RYR3: variants seen among roughly 807,000 people sequenced by gnomAD.
RYR3 encodes brain ryanodine receptor-calcium release channel.
In RYR3, 207 loss-of-function variants were observed where a neutral mutation model predicts 584.3. The observed-to-expected ratio is 0.35, with a 90% CI of 0.32 to 0.40. RYR3 has a LOEUF of 0.40. Among genes scored for constraint, RYR3 ranks in the 10% least tolerant of loss-of-function variants. The pLI is 1.00. For synonymous variants in RYR3, 2,416 were observed against 2,248.5 expected (o/e 1.07, Z -2.11); for missense variants, 5,616 against 6,089.2 (o/e 0.92, Z 2.59).
Position 33,412,421 on chromosome 15 carries a change from G to GGA in RYR3, c.52-60990_52-60989dup, listed in dbSNP as rs139473992. On this transcript the variant is annotated intron_variant, in intron 1 of 103. Coordinates refer to ENST00000634891, the MANE Select transcript of RYR3 (RefSeq NM_001036.6). The surrounding 1 kb of genome is among the most constrained non-coding windows in gnomAD (Gnocchi z 4.3). ...AACCCTGGCTCTATTTAAGGCTTCTGGAGAGAGAGCAGGTGGTGATATGTG... is the reference window on the plus strand; with the variant it reads ...AACCCTGGCTCTATTTAAGGCTTCTGGAGAGAGAGAGCAGGTGGTGATATGTG... 7.1e-4 allele frequency among the ~76,000 whole-genome samples: 108 copies of GGA among 152,242 alleles called. 1 individual carries two copies. In the East Asian group the frequency reaches 9.5e-3, roughly 13 times the overall value.
rs189409991 is a variant in RYR3 at position 33,635,786 on chromosome 15, C to T, written c.3348C>T (p.Ala1116=). The change falls in exon 26 of 104, where the codon GCC becomes GCT. Residue 1116 remains alanine (A), a synonymous_variant. Coordinates refer to ENST00000634891, the MANE Select transcript of RYR3 (RefSeq NM_001036.6). ...GTCGACCTGATGTCGAGCTGGGGGC[C>T]GATGACCAAGCCTTTGTGTTTGAAG... ...PGCRPDVELG[A]DDQAFVFEGN... 176 of 1,613,356 alleles carry T rather than the reference C, an allele frequency of 1.1e-4. 1 individual carries two copies. In the African/African-American group the frequency reaches 2.0e-3, roughly 19 times the overall value.
intron 36 of RYR3, among the ~76,000 whole-genome samples, chr15:33,667,062 C>A (rs1427391524): frequency 1.3e-5 from 2 of 152,094 alleles, no homozygotes; most frequent in Non-Finnish European, 2.9e-5. Context: ...GTGACCCAAC[C>A]TGTTCTGTGG....
At chr15:33,671,448 A>G in intron 38 of RYR3, among the ~76,000 whole-genome samples, 2 of 152,232 alleles carry the variant, frequency 1.3e-5, no homozygotes, top group Non-Finnish European at 2.9e-5. Context: ...TTTGGGGTTC[A>G]TACATCTTAC....
chr15:33,784,524 A>C (rs1323829947), intron 65 of RYR3, among the ~76,000 whole-genome samples: 1 of 152,244 alleles, frequency 6.6e-6, no homozygotes, highest in Non-Finnish European at 1.5e-5. Flanking sequence ...CAAATCTTCC[A>C]GTGAACTGAT....
intron 3 of RYR3, 63 bp from the exon 4 acceptor site, chr15:33,530,529 T>C (rs1055837980): frequency 1.7e-5 from 19 of 1,115,266 alleles, no homozygotes; most frequent in Non-Finnish European, 2.6e-5. Context: ...ATTATTGTGT[T>C]GCTTGGCTCC....
intron 27 of RYR3, among the ~76,000 whole-genome samples, chr15:33,637,990 C>G (rs892411861): frequency 6.6e-6 from 1 of 151,996 alleles, no homozygotes; most frequent in East Asian, 1.9e-4. Context: ...GTGTGATGTT[C>G]CCCTTCCTGT....
intron 1 of RYR3, among the ~76,000 whole-genome samples, chr15:33,441,947 G>A (rs1206324018): frequency 6.6e-6 from 1 of 152,114 alleles, no homozygotes; most frequent in Non-Finnish European, 1.5e-5. Flanking sequence ...ACATATCATT[G>A]GAATGTCATT....
intron 67 of RYR3, among the ~76,000 whole-genome samples, chr15:33,800,454 A>G (rs894647020): frequency 5.3e-5 from 8 of 152,240 alleles, no homozygotes; most frequent in African/African-American, 1.9e-4. Context: ...TAATCAGTTT[A>G]AAGAAAAAAC....
At chr15:33,649,654 C>T (rs2062344014) in intron 31 of RYR3, among the ~76,000 whole-genome samples, 1 of 152,208 alleles carries the variant, frequency 6.6e-6, no homozygotes, top group Non-Finnish European at 1.5e-5. Flanking sequence ...AACTCCTCCT[C>T]CCAAGAGTTT....
At chr15:33,663,315 A>G (rs1380189377) in intron 35 of RYR3, among the ~76,000 whole-genome samples, 3 of 152,190 alleles carry the variant, frequency 2.0e-5, no homozygotes, top group Non-Finnish European at 4.4e-5. Context: ...CTATTTTCTT[A>G]GAAATATTTT....
intron 1 of RYR3, among the ~76,000 whole-genome samples, chr15:33,387,034 T>C (rs1054321824): frequency 1.3e-5 from 2 of 151,966 alleles, no homozygotes; most frequent in Non-Finnish European, 2.9e-5. Context: ...ATTTTTTGTA[T>C]TTTTAGTAGA....
At chr15:33,504,373 G>A (rs1441650848) in intron 3 of RYR3, among the ~76,000 whole-genome samples, 1 of 151,982 alleles carries the variant, frequency 6.6e-6, no homozygotes, top group Non-Finnish European at 1.5e-5. Context: ...TTTCCTAATG[G>A]CTCACATTCA....
intron 4 of RYR3, 149 bp downstream of exon 4, chr15:33,530,815 A>C (rs1350266339): frequency 2.3e-5 from 15 of 648,138 alleles, no homozygotes; most frequent in Non-Finnish European, 4.1e-5. Context: ...CATTTCCTAC[A>C]TATGACCTAC....
chr15:33,734,139 G>A (rs116395862), intron 48 of RYR3, among the ~76,000 whole-genome samples: 5,621 of 152,080 alleles, frequency 0.037, 371 homozygotes, highest in African/African-American at 0.13. Flanking sequence ...AGGAGGCCTC[G>A]ACCCAGGCCC....
intron 1 of RYR3, among the ~76,000 whole-genome samples, chr15:33,408,342 T>C (rs1191295966): frequency 2.0e-5 from 3 of 152,334 alleles, no homozygotes; most frequent in African/African-American, 4.8e-5. Flanking sequence ...GTTTTGTTCT[T>C]TATCATGGTT....
rs1380228633 is a variant in RYR3 at position 33,715,301 on chromosome 15, C to T, written c.6620-7414C>T. On this transcript the variant is annotated intron_variant, in intron 43 of 103. Transcript: ENST00000634891. ...GGTACTAGACTAGGCATGGTTAGGA[C>T]TAAATGTGTGACACATAGTTTTGTT... is the stretch of plus-strand genomic sequence containing the variant. 4.6e-5 allele frequency among the ~76,000 whole-genome samples: 7 copies of T among 152,268 alleles called. No homozygotes were observed. The East Asian group carries it at 1.2e-3, about 25-fold the overall frequency.
intron 33 of RYR3, 101 bp from the exon 34 acceptor site, chr15:33,660,096 T>C (rs1450677591): frequency 1.3e-6 from 1 of 759,816 alleles, no homozygotes; most frequent in Non-Finnish European, 2.2e-6. Context: ...TGGATACATT[T>C]GTCCCTCTTT....
intron 12 of RYR3, among the ~76,000 whole-genome samples, chr15:33,578,155 G>T (rs1208067760): frequency 6.6e-6 from 1 of 152,084 alleles, no homozygotes; most frequent in Non-Finnish European, 1.5e-5. Flanking sequence ...TTAAACTATC[G>T]GTAGGAATGT....
intron 1 of RYR3, among the ~76,000 whole-genome samples, chr15:33,408,598 T>A (rs2043179771): frequency 6.6e-6 from 1 of 152,254 alleles, no homozygotes; most frequent in Non-Finnish European, 1.5e-5. Context: ...GTGGCTGAAC[T>A]AAGTTACTTT....
Sources: gnomAD v4.1 joint callset for allele counts (sites outside exome capture counted in the v4.1 genomes callset) on GRCh38, gnomAD v4.1.1 for gene constraint, Gnocchi (gnomAD v3.1) non-coding constraint, MANE v1.5 for transcripts, NCBI Gene and HGNC (gene_info 2026-07-23, HGNC 2026-07-21) for gene names.